The following SGCG variants were observed in gnomAD, a reference collection of about 807,000 sequenced individuals.
SGCG encodes gamma-sarcoglycan.
SGCG carries 26 observed loss-of-function variants against 29.3 expected under a neutral mutation model. The ratio of observed to expected loss-of-function variants is 0.89; its 90% CI spans 0.65 to 1.23. The LOEUF (loss-of-function observed/expected upper bound fraction) is 1.23, where lower values mean the gene tolerates loss of function less well. Ranked by LOEUF, SGCG falls within the 50% of genes most tolerant of loss-of-function variation. SGCG has a pLI of 0.00. For synonymous variants in SGCG, 145 were observed against 129.7 expected, an observed-to-expected ratio of 1.12 and a Z score of -0.80; for missense variants, 353 against 356.0, an observed-to-expected ratio of 0.99 and a Z score of 0.07.
At chr13:23,161,252 A>G in the SGCG span, among the ~76,000 whole-genome samples, 1 of 152,146 alleles carries the variant, frequency 6.6e-6, no homozygotes, top group East Asian at 1.9e-4. Context: ...ATATTTACAT[A>G]TTTGCATGCT....
chr13:23,303,579 A>G (rs1308624148), intron 6 of SGCG, among the ~76,000 whole-genome samples: 1 of 152,212 alleles, frequency 6.6e-6, no homozygotes, highest in Non-Finnish European at 1.5e-5. Flanking sequence ...GGGGCACAGG[A>G]TCAGAGAAGA....
At position 23,324,594 on chromosome 13, in the gene SGCG, C is replaced by A. The variant is rs188804783; in HGVS notation, c.*53C>A. The A allele has an allele frequency of 6.0e-4, 905 of 1,500,558 alleles. 1 individual carries two copies. The highest frequency in any genetic ancestry group is 7.4e-4 in the Non-Finnish European group (809 of 1,087,844). 93.0% of individuals were successfully genotyped at this position (1,500,558 alleles called of 1,614,324 possible). On this transcript the variant is annotated 3_prime_UTR_variant, in exon 8 of 8. Transcript: ENST00000218867. ...GCAGTGCCGGCCCCAGATCCTCACA[C>A]CCAGGGAGCAGCTGCACATCGTGAA...
intron 3 of SGCG, chr13:23,247,081 T>C (rs1319294470): frequency 1.2e-5 from 2 of 169,492 alleles, no homozygotes; most frequent in Non-Finnish European, 1.3e-5. Context: ...CACCCAGGCC[T>C]GGCCCTGCAT....
intron 2 of SGCG, among the ~76,000 whole-genome samples, chr13:23,230,808 C>A (rs946753257): frequency 6.6e-6 from 1 of 152,178 alleles, no homozygotes; most frequent in Non-Finnish European, 1.5e-5. Flanking sequence ...CTGACCAGGA[C>A]CTCTAACACT....
intron 3 of SGCG, 137 bp from the exon 4 acceptor site, chr13:23,250,493 C>T (rs1879919066): frequency 3.2e-6 from 2 of 632,376 alleles, no homozygotes; most frequent in East Asian, 2.8e-5. Context: ...ATTGTCTTAG[C>T]CACAAATTTA....
intron 3 of SGCG, among the ~76,000 whole-genome samples, chr13:23,236,891 G>A: frequency 6.6e-6 from 1 of 152,140 alleles, no homozygotes. Flanking sequence ...GAGCTGTACA[G>A]TGTTTTATAA....
At chr13:23,311,095 C>G (rs1032664407) in intron 6 of SGCG, among the ~76,000 whole-genome samples, 3 of 152,180 alleles carry the variant, frequency 2.0e-5, no homozygotes, top group Admixed American at 1.3e-4. Flanking sequence ...TCTGAAATGT[C>G]CAGTTTCCTT....
chr13:23,270,218 A>G (rs1230629227), intron 4 of SGCG, among the ~76,000 whole-genome samples: 2 of 152,158 alleles, frequency 1.3e-5, no homozygotes, highest in Non-Finnish European at 2.9e-5. Flanking sequence ...GATTCCTAGA[A>G]GTGGGATTGT....
In SGCG at chr13:23,299,433, TATATATATATATATATATATATA is replaced by T. The variant is rs1566037411; in HGVS notation, c.578+3947_578+3969del. On this transcript the variant is annotated intron_variant, in intron 6 of 7. Coordinates refer to ENST00000218867, the MANE Select transcript of SGCG (RefSeq NM_000231.3). ...ATATATATATATATATATATATATA[TATATATATATATATATATATATA>T]TTTTTTTTTTTTTTTTAGTCGGAGT... Among the ~76,000 whole-genome samples the T allele has an allele frequency of 2.9e-3, 89 of 30,708 alleles. 2 individuals are homozygous for T. Among genetic ancestry groups the T allele is most frequent in the African/African-American group, 4.6e-3 (44 of 9,494 alleles). The allele number at this position is 30,708 out of a possible 152,430, so 20.1% of individuals were successfully genotyped here. A position where few individuals can be genotyped will look rare whatever the true frequency, so the allele number is the denominator to read the frequency against.
intron 1 of SGCG, among the ~76,000 whole-genome samples, chr13:23,185,826 C>T (rs1876948735): frequency 6.6e-6 from 1 of 152,170 alleles, no homozygotes; most frequent in Non-Finnish European, 1.5e-5. Context: ...AAGTCATTCT[C>T]GTCATCAGCC....
intron 1 of SGCG, among the ~76,000 whole-genome samples, chr13:23,188,503 G>A (rs111294329): frequency 0.16 from 11,088 of 69,214 alleles, 1,331 homozygotes; most frequent in African/African-American, 0.34. Flanking sequence ...TTTTTTTTTT[G>A]GGACAGGTAT....
At chr13:23,270,928 A>G (rs1398222331) in intron 4 of SGCG, among the ~76,000 whole-genome samples, 2 of 152,308 alleles carry the variant, frequency 1.3e-5, no homozygotes, top group Non-Finnish European at 2.9e-5. Flanking sequence ...TTTACTTAAA[A>G]GTCCATCCTT....
At chr13:23,224,680 A>ACACACACACCCCC (rs1433903594) in intron 2 of SGCG, among the ~76,000 whole-genome samples, 50 of 150,668 alleles carry the variant, frequency 3.3e-4, no homozygotes, top group South Asian at 1.9e-3. Context: ...ACACACACAC[A>ACACACACACCCCC]CCCCACACCA....
intron 2 of SGCG, among the ~76,000 whole-genome samples, chr13:23,226,025 A>T (rs1445143854): frequency 6.6e-6 from 1 of 151,444 alleles, no homozygotes; most frequent in Admixed American, 6.6e-5. Context: ...CCATTCTCCT[A>T]CCTCTGCCAC....
At chr13:23,181,886 G>T (rs1051597769) in intron 1 of SGCG, among the ~76,000 whole-genome samples, 10 of 152,182 alleles carry the variant, frequency 6.6e-5, no homozygotes, top group Non-Finnish European at 1.2e-4. Flanking sequence ...ACGAACTACG[G>T]AATACACCGT....
At position 23,231,750 on chromosome 13, in the gene SGCG, A is replaced by G. The variant is rs987259399; in HGVS notation, c.196-2861A>G. On this transcript the variant is annotated intron_variant, in intron 2 of 7. Transcript: ENST00000218867. Reference sequence around the variant, plus strand: ...TGGCTGGATCCCATGAGAAAATCCCAAACAGCAGTTGTCAACCTCTTTAGA... The same window carrying G: ...TGGCTGGATCCCATGAGAAAATCCCGAACAGCAGTTGTCAACCTCTTTAGA... Among the ~76,000 whole-genome samples, 5 of 152,314 alleles carry G rather than the reference A, an allele frequency of 3.3e-5. No individual in the cohort carries two copies. The East Asian group carries it at 9.6e-4, about 29-fold the overall frequency.
At chr13:23,179,761 A>G (rs909764115), upstream of SGCG, among the ~76,000 whole-genome samples, 12 of 152,344 alleles carry the variant, frequency 7.9e-5, no homozygotes, top group African/African-American at 2.6e-4. Context: ...GAAGTATCAA[A>G]TTTCAAAAGA....
chr13:23,173,395 T>A, the SGCG span, among the ~76,000 whole-genome samples: 2 of 151,998 alleles, frequency 1.3e-5, no homozygotes, highest in Admixed American at 1.3e-4. Context: ...TTGAAGAGAG[T>A]CCAGGAATGT....
intron 3 of SGCG, chr13:23,246,355 C>A (rs147908451): frequency 6.6e-6 from 1 of 152,352 alleles, no homozygotes; most frequent in East Asian, 1.9e-4. Context: ...TACCCTCTGG[C>A]AGCCAAAGCA....
Sources: allele counts gnomAD v4.1 joint callset (sites outside exome capture counted in the v4.1 genomes callset), GRCh38; gene constraint gnomAD v4.1.1; transcripts MANE v1.5; gene names NCBI Gene and HGNC (gene_info 2026-07-23, HGNC 2026-07-21).